Variants in TEX9 observed in about 807,000 individuals in gnomAD.
TEX9 encodes the protein testis expressed 9, also known as testis-expressed protein 9.
In TEX9, 74 loss-of-function variants were observed where a neutral mutation model predicts 59.6. The observed-to-expected ratio is 1.24, with a 90% CI of 1.03 to 1.51. The LOEUF (loss-of-function observed/expected upper bound fraction) is 1.51, where lower values mean the gene tolerates loss of function less well. TEX9 is among the 40% of genes most tolerant of loss of function. TEX9 has a pLI of 0.00. For missense variants in TEX9, 522 were observed against 447.8 expected (o/e 1.17, Z -1.49); for synonymous variants, 186 against 152.2 (o/e 1.22, Z -1.64).
At chr15:56,252,636 A>G (rs2044051470) in intron 1 of TEX9, among the ~76,000 whole-genome samples, 1 of 152,100 alleles carries the variant, frequency 6.6e-6, no homozygotes, top group Admixed American at 6.5e-5. Flanking sequence ...GTTCCTTTTA[A>G]GGAAAAGAGT....
chr15:56,394,674 A>G, exon 9 of TEX9: 3 of 1,593,966 alleles, frequency 1.9e-6, no homozygotes, highest in Non-Finnish European at 2.6e-6. Flanking sequence ...GATGAAATTC[A>G]GAATTTAAAG....
At chr15:56,434,032 A>T in intron 12 of TEX9, 1 of 1,254,802 alleles carries the variant, frequency 8.0e-7, no homozygotes. Flanking sequence ...TAAACATACT[A>T]ACATTGTCTG....
intron 1 of TEX9, among the ~76,000 whole-genome samples, chr15:56,291,827 G>A (rs554206313): frequency 1.3e-5 from 2 of 152,296 alleles, no homozygotes; most frequent in South Asian, 4.1e-4. Context: ...GGCTCATGGA[G>A]CATTTAATTT....
At chr15:56,364,184 G>A (rs144469621), upstream of TEX9, among the ~76,000 whole-genome samples, 1,240 of 149,462 alleles carry the variant, frequency 8.3e-3, 10 homozygotes, top group Non-Finnish European at 0.011. Flanking sequence ...ATGGAATTTC[G>A]CTCTTGTTGA....
At chr15:56,291,148 T>C (rs2141503737) in intron 1 of TEX9, among the ~76,000 whole-genome samples, 1 of 152,298 alleles carries the variant, frequency 6.6e-6, no homozygotes, top group East Asian at 1.9e-4. Flanking sequence ...AGATTTAGAG[T>C]TATTCATTGA....
chr15:56,254,996 A>C (rs2044111279), intron 1 of TEX9, among the ~76,000 whole-genome samples: 1 of 152,058 alleles, frequency 6.6e-6, no homozygotes, highest in Admixed American at 6.6e-5. Context: ...AGAAAGATGA[A>C]GGTGAAGCAT....
chr15:56,321,644 T>C (rs1455526348), intron 1 of TEX9, among the ~76,000 whole-genome samples: 3 of 152,190 alleles, frequency 2.0e-5, no homozygotes, highest in Admixed American at 1.3e-4. Flanking sequence ...GCATGGAAAT[T>C]ATTCTTCTAA....
At chr15:56,359,516 A>G (rs1480564234) in intron 1 of TEX9, among the ~76,000 whole-genome samples, 4 of 152,196 alleles carry the variant, frequency 2.6e-5, no homozygotes, top group African/African-American at 9.6e-5. Context: ...AGTTTCATTC[A>G]TGTAGTAGCA....
At chr15:56,277,138 A>G (rs2044689435) in intron 1 of TEX9, among the ~76,000 whole-genome samples, 1 of 151,996 alleles carries the variant, frequency 6.6e-6, no homozygotes, top group Admixed American at 6.6e-5. Flanking sequence ...GTCTGATGAT[A>G]GTTTTTTTGT....
chr15:56,383,555 A>T (rs2047829819), intron 3 of TEX9, among the ~76,000 whole-genome samples: 1 of 152,204 alleles, frequency 6.6e-6, no homozygotes, highest in Non-Finnish European at 1.5e-5. Flanking sequence ...CAGTCTTCTC[A>T]ACATTGAAGT....
chr15:56,457,793 A>C, the TEX9 span, among the ~76,000 whole-genome samples: 1 of 152,046 alleles, frequency 6.6e-6, no homozygotes, highest in Non-Finnish European at 1.5e-5. Context: ...CCAGCTGGGC[A>C]ACAGAGCAAG....
intron 1 of TEX9, among the ~76,000 whole-genome samples, chr15:56,288,406 A>G (rs1486138859): frequency 6.6e-6 from 1 of 151,844 alleles, no homozygotes; most frequent in Non-Finnish European, 1.5e-5. Flanking sequence ...TCTCTTTAGC[A>G]TTTCTTAGAA....
At chr15:56,362,231 A>G (rs1354571748), upstream of TEX9, among the ~76,000 whole-genome samples, 1 of 152,204 alleles carries the variant, frequency 6.6e-6, no homozygotes, top group Non-Finnish European at 1.5e-5. Context: ...TAACCTGTTA[A>G]TTACTGAAGG....
intron 3 of TEX9, among the ~76,000 whole-genome samples, chr15:56,383,068 C>T (rs1412702388): frequency 6.6e-6 from 1 of 152,164 alleles, no homozygotes; most frequent in Non-Finnish European, 1.5e-5. Flanking sequence ...GAGTTCTGAC[C>T]CACAGGATGG....
At chr15:56,302,417 A>C (rs1355747209) in intron 1 of TEX9, among the ~76,000 whole-genome samples, 2 of 151,938 alleles carry the variant, frequency 1.3e-5, no homozygotes, top group Non-Finnish European at 2.9e-5. Context: ...GCTACTCAGA[A>C]AGCTGAGGTG....
At chr15:56,375,772 A>G (rs1329607916) in intron 3 of TEX9, among the ~76,000 whole-genome samples, 4 of 151,820 alleles carry the variant, frequency 2.6e-5, no homozygotes, top group African/African-American at 9.7e-5. Flanking sequence ...ACATGCACAC[A>G]TATGTTTATT....
rs187377038 is a variant in TEX9 at position 56,246,401 on chromosome 15, C to T, written c.-107+2123C>T. On this transcript the variant is annotated intron_variant, in intron 1 of 5. Transcript: ENST00000560827. ...GGAAAGGGGCAGCCCTCACTACTCA[C>T]TTAACATCTGGGAGTACAGTGGGTG... is the stretch of plus-strand genomic sequence containing the variant. 4.6e-3 allele frequency among the ~76,000 whole-genome samples: 701 copies of T among 152,288 alleles called. 2 individuals carry two copies. The highest frequency in any genetic ancestry group is 6.8e-3 in the Middle Eastern group (2 of 294).
intron 9 of TEX9, among the ~76,000 whole-genome samples, chr15:56,403,469 A>G (rs1173824210): frequency 6.6e-6 from 1 of 152,242 alleles, no homozygotes; most frequent in African/African-American, 2.4e-5. Context: ...CCACTGCTCA[A>G]TGAAATAAAA....
At chr15:56,385,629 G>A (rs1056081877) in intron 4 of TEX9, among the ~76,000 whole-genome samples, 2 of 151,876 alleles carry the variant, frequency 1.3e-5, no homozygotes, top group African/African-American at 2.4e-5. Flanking sequence ...GTGATGTAAT[G>A]GCATGTAGAA....
Sources: gnomAD v4.1 joint callset for allele counts (sites outside exome capture counted in the v4.1 genomes callset) on GRCh38, gnomAD v4.1.1 for gene constraint, MANE v1.5 for transcripts, NCBI Gene and HGNC (gene_info 2026-07-23, HGNC 2026-07-21) for gene names.